PCDHGA1: variants seen among roughly 807,000 people sequenced by gnomAD.
PCDHGA1 encodes the protein protocadherin gamma-A1.
PCDHGA1 carries 32 observed loss-of-function variants against 58.0 expected under a neutral mutation model. The observed-to-expected ratio is 0.55, with a 90% CI of 0.42 to 0.74. The LOEUF (loss-of-function observed/expected upper bound fraction) is 0.74. Ranked by LOEUF, PCDHGA1 falls within the 30% of genes least tolerant of loss-of-function variation. The pLI is 0.00. For missense variants in PCDHGA1, 1,205 were observed against 1,182.3 expected, an observed-to-expected ratio of 1.02 and a Z score of -0.28; for synonymous variants, 498 against 501.1, an observed-to-expected ratio of 0.99 and a Z score of 0.08.
chr5:141,383,578 C>A, intron 1 of PCDHGA1: 1 of 1,613,494 alleles, frequency 6.2e-7, no homozygotes, highest in Non-Finnish European at 8.5e-7. Flanking sequence ...CAGCACCGCC[C>A]ACATCCAGGT....
In PCDHGA1 at chr5:141,337,076, A is replaced by G. The variant is rs565308613; in HGVS notation, c.2421+3971A>G. On this transcript the variant is annotated intron_variant, in intron 1 of 3. Coordinates refer to ENST00000517417, the MANE Select transcript of PCDHGA1 (RefSeq NM_018912.3). ...GGAAATGCAAATCAAAACCATAATG[A>G]GATACTACTCCACATTCATTAGAAT... 4.4e-4 allele frequency among the ~76,000 whole-genome samples: 67 copies of G among 151,728 alleles called. 1 individual carries two copies. Among genetic ancestry groups the G allele is most frequent in the African/African-American group, 1.6e-3 (66 of 41,360 alleles).
chr5:141,415,896 AC>A, intron 1 of PCDHGA1: 1 of 882,726 alleles, frequency 1.1e-6, no homozygotes, highest in East Asian at 3.3e-5. Flanking sequence ...AATTCCTAAG[AC>A]AGACTTCCAT....
chr5:141,350,507 G>A, intron 1 of PCDHGA1: 1 of 1,614,040 alleles, frequency 6.2e-7, no homozygotes, highest in Non-Finnish European at 8.5e-7. Context: ...GGATTTGTTA[G>A]TGAACGGTAG....
chr5:141,384,702 C>T lies in PCDHGA1; in HGVS notation c.2421+51597C>T, dbSNP rs115492697. ...CGGTGGACAAAGATTCAGGCCAGAACGCCTGGCTGTCATACCTCCTGCTTA... is the reference window on the plus strand; with the variant it reads ...CGGTGGACAAAGATTCAGGCCAGAATGCCTGGCTGTCATACCTCCTGCTTA... On this transcript the variant is annotated intron_variant, in intron 1 of 3. Coordinates refer to ENST00000517417, the MANE Select transcript of PCDHGA1 (RefSeq NM_018912.3). The T allele has an allele frequency of 1.9e-3, 3,011 of 1,614,186 alleles. 49 individuals carry two copies. The African/African-American group carries it at 0.033, about 18-fold the overall frequency.
At chr5:141,408,301 C>G in intron 1 of PCDHGA1, 1 of 1,613,756 alleles carries the variant, frequency 6.2e-7, no homozygotes, top group Non-Finnish European at 8.5e-7. Context: ...GTGAGCCGAT[C>G]CGCTACTCGA....
intron 1 of PCDHGA1, chr5:141,345,754 G>C (rs748280514): frequency 1.2e-6 from 2 of 1,614,208 alleles, no homozygotes; most frequent in Non-Finnish European, 1.7e-6. Context: ...GGTTCCACTG[G>C]CGTGGAGCTG....
intron 1 of PCDHGA1, among the ~76,000 whole-genome samples, chr5:141,454,831 A>C (rs1489772379): frequency 1.3e-5 from 1 of 78,366 alleles, no homozygotes; most frequent in African/African-American, 6.7e-5. Context: ...TTTTTGAGAC[A>C]GAGTCGCGCT....
At chr5:141,423,354 C>A in intron 1 of PCDHGA1, 1 of 1,614,202 alleles carries the variant, frequency 6.2e-7, no homozygotes. Context: ...TGGTCTTTGT[C>A]ATCGTGCTGC....
chr5:141,511,140 C>T lies in PCDHGA1; in HGVS notation c.2763C>T (p.Asn921=). Reference sequence around the variant, plus strand: ...AGGCCCCAGCAGGTGGCAATGGCAACAAGAAGAAGTCGGGCAAGAAGGAGA... The same window carrying T: ...AGGCCCCAGCAGGTGGCAATGGCAATAAGAAGAAGTCGGGCAAGAAGGAGA... ...DGKAPAGGNG[N]KKKSGKKEKK is the part of the protein sequence containing the mutation. Residue 921 remains asparagine (N), a synonymous_variant, in exon 4 of 4, where the codon AAC becomes AAT. Transcript: ENST00000517417. The T allele has an allele frequency of 1.2e-6, 2 of 1,614,186 alleles. No homozygotes were observed. The highest frequency in any genetic ancestry group is 1.3e-5 in the African/African-American group (1 of 75,050).
intron 1 of PCDHGA1, chr5:141,371,718 A>T (rs1191526865): frequency 6.2e-7 from 1 of 1,613,946 alleles, no homozygotes; most frequent in Non-Finnish European, 8.5e-7. Flanking sequence ...CACTCTGCAC[A>T]TCCTTGATGT....
At chr5:141,351,413 G>A (rs757619719) in intron 1 of PCDHGA1, 2 of 1,611,540 alleles carry the variant, frequency 1.2e-6, no homozygotes, top group Non-Finnish European at 1.7e-6. Flanking sequence ...TACTCAGGAA[G>A]AAGTTCCTTT....
At chr5:141,468,746 G>A (rs1298497433) in intron 1 of PCDHGA1, among the ~76,000 whole-genome samples, 1 of 151,850 alleles carries the variant, frequency 6.6e-6, no homozygotes, top group Non-Finnish European at 1.5e-5. Flanking sequence ...GGTGCCTGTA[G>A]TCCCAGCTAC....
chr5:141,434,026 A>G (rs2154556044), intron 1 of PCDHGA1, among the ~76,000 whole-genome samples: 1 of 152,236 alleles, frequency 6.6e-6, no homozygotes, highest in Admixed American at 6.5e-5. Flanking sequence ...TGATTCTGGA[A>G]GCATGGTTTT....
intron 1 of PCDHGA1, chr5:141,478,485 G>C (rs2099459345): frequency 1.2e-6 from 2 of 1,613,204 alleles, no homozygotes; most frequent in East Asian, 4.5e-5. Flanking sequence ...AACACGCTGC[G>C]GAGCTGTGAT....
chr5:141,376,559 C>G (rs758448085), intron 1 of PCDHGA1: 8 of 1,609,380 alleles, frequency 5.0e-6, no homozygotes, highest in Admixed American at 3.4e-5. Context: ...TCCCGCAACC[C>G]AACTAATCAG....
At position 141,431,897 on chromosome 5, in the gene PCDHGA1, G is replaced by C. The variant is rs1591112104; in HGVS notation, c.2422-62910G>C. 6.2e-7 allele frequency: 1 copy of C among 1,613,830 alleles called. No homozygotes were observed. The highest frequency in any genetic ancestry group is 8.5e-7 in the Non-Finnish European group (1 of 1,179,704). ...AAATGACCAAGATTCTGAGGAAAAC[G>C]GACAGGTGATCTGTTTCATCCAAGG... On this transcript the variant is annotated intron_variant, in intron 1 of 3. Coordinates refer to ENST00000517417, the MANE Select transcript of PCDHGA1 (RefSeq NM_018912.3). The surrounding 1 kb of genome is among the most constrained non-coding windows in gnomAD (Gnocchi z 4.8).
At chr5:141,459,499 G>A (rs2098968854) in intron 1 of PCDHGA1, among the ~76,000 whole-genome samples, 1 of 152,172 alleles carries the variant, frequency 6.6e-6, no homozygotes, top group Non-Finnish European at 1.5e-5. Context: ...TTAAAGTGAT[G>A]TGAACAATCA....
At chr5:141,505,238 G>A (rs1254100882) in intron 2 of PCDHGA1, 155 bp from the exon 3 acceptor site, 2 of 890,422 alleles carry the variant, frequency 2.2e-6, no homozygotes, top group South Asian at 5.2e-5. Context: ...GGCTTCTGAA[G>A]GATTGTAGAA....
rs2097549501 is a variant in PCDHGA1 at position 141,432,920 on chromosome 5, A to T, written c.2422-61887A>T. ...GGCGCTCAGGCTGCGGCGCTGGCAC[A>T]AGTCACGCCTGCTGCAGGCTTCAGG... On this transcript the variant is annotated intron_variant, in intron 1 of 3. Transcript: ENST00000517417. The surrounding 1 kb of genome is among the most constrained non-coding windows in gnomAD (Gnocchi z 6.0). 1 of 1,614,022 alleles carries T rather than the reference A, an allele frequency of 6.2e-7. No homozygotes were observed.
Sources: gnomAD v4.1 joint callset for allele counts (sites outside exome capture counted in the v4.1 genomes callset) on GRCh38, gnomAD v4.1.1 for gene constraint, Gnocchi (gnomAD v3.1) non-coding constraint, MANE v1.5 for transcripts, NCBI Gene and HGNC (gene_info 2026-07-23, HGNC 2026-07-21) for gene names.